Variants in FSTL4 observed in about 807,000 individuals in gnomAD.
The protein encoded by FSTL4 is follistatin-related protein 4.
Under a neutral mutation model 78.2 loss-of-function variants are expected in FSTL4, and 28 were observed. The ratio of observed to expected loss-of-function variants is 0.36; its 90% confidence interval spans 0.27 to 0.49. The LOEUF (loss-of-function observed/expected upper bound fraction) is 0.49. FSTL4 is among the 20% of genes least tolerant of loss of function. The probability of loss-of-function intolerance (pLI) is 0.98; values close to 1 mark genes in which losing one functional copy is unlikely to be tolerated. For missense variants in FSTL4, 922 were observed against 1,084.9 expected, an observed-to-expected ratio of 0.85 and a Z score of 2.11; for synonymous variants, 422 against 440.5, an observed-to-expected ratio of 0.96 and a Z score of 0.53.
the FSTL4 span, among the ~76,000 whole-genome samples, chr5:133,835,430 G>A: frequency 5.3e-5 from 8 of 152,164 alleles, no homozygotes; most frequent in African/African-American, 1.2e-4. Flanking sequence ...CAAAATGGAC[G>A]TTTGGCATTC....
intron 12 of FSTL4, among the ~76,000 whole-genome samples, chr5:133,219,336 C>G (rs961390061): frequency 1.3e-5 from 2 of 152,174 alleles, no homozygotes; most frequent in Non-Finnish European, 2.9e-5. Context: ...TACTCTTGTT[C>G]TCATATTTAA....
intron 4 of FSTL4, among the ~76,000 whole-genome samples, chr5:133,374,070 G>T (rs1313872239): frequency 6.6e-6 from 1 of 152,162 alleles, no homozygotes. Flanking sequence ...CATTAATCTA[G>T]CTAGCCATGT....
the FSTL4 span, among the ~76,000 whole-genome samples, chr5:133,776,909 C>T: frequency 6.6e-6 from 1 of 152,120 alleles, no homozygotes; most frequent in African/African-American, 2.4e-5. Flanking sequence ...ACTTGGCTTA[C>T]CCACCTCTGG....
At chr5:133,705,248 A>C in the FSTL4 span, among the ~76,000 whole-genome samples, 1 of 152,102 alleles carries the variant, frequency 6.6e-6, no homozygotes, top group Non-Finnish European at 1.5e-5. Flanking sequence ...TTCAGTATAG[A>C]AGGGGTTTCA....
At chr5:133,749,079 T>C in the FSTL4 span, among the ~76,000 whole-genome samples, 3 of 151,952 alleles carry the variant, frequency 2.0e-5, no homozygotes, top group Non-Finnish European at 2.9e-5. Context: ...AGTGGGTTGG[T>C]TGTGGGTAGA....
the FSTL4 span, among the ~76,000 whole-genome samples, chr5:133,661,573 G>T: frequency 1.3e-5 from 2 of 152,158 alleles, no homozygotes; most frequent in Non-Finnish European, 2.9e-5. Context: ...CCTCATAGTG[G>T]CATGACATCA....
chr5:133,263,712 A>C (rs1298706023), intron 6 of FSTL4, among the ~76,000 whole-genome samples: 1 of 152,196 alleles, frequency 6.6e-6, no homozygotes, highest in African/African-American at 2.4e-5. Context: ...GGTAGACAGA[A>C]GGTCAAGGAT....
chr5:133,530,919 C>T lies in FSTL4; in HGVS notation c.160+36267G>A, dbSNP rs767799641. On this transcript the variant is annotated intron_variant, in intron 3 of 15. Transcript: ENST00000265342. ...GGTCTTTCCCTCTAACACCCACAGACTCTGATATGGGATCTTGCCCCAGTG... is the reference window on the plus strand; with the variant it reads ...GGTCTTTCCCTCTAACACCCACAGATTCTGATATGGGATCTTGCCCCAGTG... Among the ~76,000 whole-genome samples, 102 of 152,238 alleles carry T rather than the reference C, an allele frequency of 6.7e-4. 7 individuals carry two copies. The highest frequency in any genetic ancestry group is 1.3e-4 in the Non-Finnish European group (9 of 68,046).
chr5:133,779,382 G>A, the FSTL4 span, among the ~76,000 whole-genome samples: 1 of 152,018 alleles, frequency 6.6e-6, no homozygotes, highest in East Asian at 1.9e-4. Flanking sequence ...GTCAGGAGAT[G>A]GAGACCATCC....
rs1271344942 is a variant in FSTL4 at position 133,456,708 on chromosome 5, CA to C, written c.161-55723del. 2.6e-5 allele frequency among the ~76,000 whole-genome samples: 4 copies of C among 152,162 alleles called. No homozygotes were observed. The East Asian group carries it at 7.7e-4, about 29-fold the overall frequency. ...CTTAAAAAAACAAAACAAAACAAAA[CA>C]AAACAAAACAAAAAACCCTGAAGCA... On this transcript the variant is annotated intron_variant, in intron 3 of 15. Transcript: ENST00000265342.
chr5:133,697,211 G>C, the FSTL4 span, among the ~76,000 whole-genome samples: 2 of 152,174 alleles, frequency 1.3e-5, no homozygotes, highest in Non-Finnish European at 2.9e-5. Flanking sequence ...CCAAGGGCTG[G>C]GAGGCACCAC....
At chr5:133,431,070 G>A (rs1756926469) in intron 3 of FSTL4, among the ~76,000 whole-genome samples, 1 of 152,184 alleles carries the variant, frequency 6.6e-6, no homozygotes, top group Non-Finnish European at 1.5e-5. Flanking sequence ...GGTGCATCAT[G>A]AGGGAGAAAT....
chr5:133,341,963 C>T (rs895492278), intron 4 of FSTL4, among the ~76,000 whole-genome samples: 1 of 152,178 alleles, frequency 6.6e-6, no homozygotes, highest in African/African-American at 2.4e-5. Flanking sequence ...AGCACTGTCT[C>T]CCAGGCACTC....
chr5:133,829,051 T>G, the FSTL4 span, among the ~76,000 whole-genome samples: 5 of 152,130 alleles, frequency 3.3e-5, no homozygotes, highest in African/African-American at 1.2e-4. Context: ...AAAGGCACCA[T>G]TTCTTCAGGT....
At chr5:133,329,908 A>G (rs1345342735) in intron 4 of FSTL4, among the ~76,000 whole-genome samples, 3 of 152,190 alleles carry the variant, frequency 2.0e-5, no homozygotes, top group African/African-American at 7.2e-5. Flanking sequence ...GTGTTACACG[A>G]CATTCACCCC....
chr5:133,258,119 A>G (rs1294087703), intron 6 of FSTL4, among the ~76,000 whole-genome samples: 5 of 152,084 alleles, frequency 3.3e-5, no homozygotes, highest in Non-Finnish European at 5.9e-5. Flanking sequence ...TGCACTCATT[A>G]TGACTATTTC....
At chr5:133,453,782 C>T (rs1448826637) in intron 3 of FSTL4, among the ~76,000 whole-genome samples, 1 of 152,168 alleles carries the variant, frequency 6.6e-6, no homozygotes, top group Non-Finnish European at 1.5e-5. Flanking sequence ...CATGACTAAT[C>T]AGGAAGAGGG....
At chr5:133,472,075 G>A (rs1373216152) in intron 3 of FSTL4, among the ~76,000 whole-genome samples, 1 of 152,172 alleles carries the variant, frequency 6.6e-6, no homozygotes, top group African/African-American at 2.4e-5. Context: ...ATTACCGTGT[G>A]GAGCAGAGAA....
Position 133,421,094 on chromosome 5 carries a change from C to A in FSTL4, c.161-20108G>T, listed in dbSNP as rs551291062. Among the ~76,000 whole-genome samples the A allele has an allele frequency of 3.9e-5, 6 of 152,198 alleles. No homozygotes were observed. The South Asian group carries it at 1.2e-3, about 31-fold the overall frequency. On this transcript the variant is annotated intron_variant, in intron 3 of 15. Coordinates refer to ENST00000265342, the MANE Select transcript of FSTL4 (RefSeq NM_015082.2). Reference sequence around the variant, plus strand: ...GACCTGGTCACATTGAGGGAGGGAGCATTCTGCCATTGCCCTCCACCCCTG... The same window carrying A: ...GACCTGGTCACATTGAGGGAGGGAGAATTCTGCCATTGCCCTCCACCCCTG...
Sources: gnomAD v4.1 joint callset for allele counts (sites outside exome capture counted in the v4.1 genomes callset) on GRCh38, gnomAD v4.1.1 for gene constraint, MANE v1.5 for transcripts, NCBI Gene and HGNC (gene_info 2026-07-23, HGNC 2026-07-21) for gene names.